Variants in GRAMD1C observed in about 807,000 individuals in gnomAD.
GRAMD1C encodes the protein GRAM domain containing 1C.
A neutral mutation model predicts 97.8 loss-of-function variants in GRAMD1C; 89 were observed. The ratio of observed to expected loss-of-function variants is 0.91; its 90% CI spans 0.77 to 1.09. The LOEUF (loss-of-function observed/expected upper bound fraction) is 1.09. Among genes scored for constraint, GRAMD1C ranks in the 50% least tolerant of loss-of-function variants. GRAMD1C has a pLI of 0.00. For synonymous variants in GRAMD1C, 256 were observed against 267.0 expected (o/e 0.96, Z 0.40); for missense variants, 740 against 766.4 (o/e 0.97, Z 0.41).
In GRAMD1C at chr3:113,908,035, G is replaced by A. The variant is rs116284600; in HGVS notation, c.790-923G>A. 4.0e-3 allele frequency among the ~76,000 whole-genome samples: 610 copies of A among 152,146 alleles called. 2 individuals are homozygous for A. Among genetic ancestry groups the A allele is most frequent in the Non-Finnish European group, 7.1e-3 (483 of 68,002 alleles). The stretch of plus-strand genomic sequence containing the variant: ...TAATCCTTTAATAAATTGTGTCCTC[G>A]GTCCCAGTTGTTATTCTGCTATCTG... On this transcript the variant is annotated intron_variant, in intron 8 of 17. Transcript: ENST00000358160.
At chr3:113,913,159 A>C in intron 9 of GRAMD1C, 1 of 1,196,628 alleles carries the variant, frequency 8.4e-7, no homozygotes, top group Non-Finnish European at 1.1e-6. Flanking sequence ...GTGGCCAAAT[A>C]GGTAAGTAGC....
intron 2 of GRAMD1C, among the ~76,000 whole-genome samples, chr3:113,864,147 C>G (rs528046155): frequency 6.6e-6 from 1 of 152,270 alleles, no homozygotes; most frequent in African/African-American, 2.4e-5. Flanking sequence ...GAGTCTCACT[C>G]TGTCACCCAG....
At chr3:113,839,073 G>T in intron 1 of GRAMD1C, 137 bp downstream of exon 1, 1 of 572,952 alleles carries the variant, frequency 1.7e-6, no homozygotes. Flanking sequence ...GAGTAATACG[G>T]AAAGTTGTTA....
chr3:113,837,671 G>C (rs1020499102), upstream of GRAMD1C, among the ~76,000 whole-genome samples: 3 of 152,186 alleles, frequency 2.0e-5, no homozygotes, highest in African/African-American at 7.2e-5. Flanking sequence ...CAGACTGCTT[G>C]AGTCCAGGAG....
At chr3:113,937,979 T>C (rs534786339) in intron 14 of GRAMD1C, 107 bp from the exon 15 acceptor site, 2 of 590,688 alleles carry the variant, frequency 3.4e-6, no homozygotes, top group South Asian at 4.0e-5. Flanking sequence ...CACTCCAGCC[T>C]GGGCAACAAG....
chr3:113,911,258 CAG>C (rs1936565281), intron 9 of GRAMD1C, among the ~76,000 whole-genome samples: 1 of 149,122 alleles, frequency 6.7e-6, no homozygotes, highest in South Asian at 2.1e-4. Flanking sequence ...CTTTTTGAGA[CAG>C]AGTCTGGCTC....
chr3:113,889,322 T>G (rs1935627975), intron 6 of GRAMD1C, among the ~76,000 whole-genome samples: 1 of 152,214 alleles, frequency 6.6e-6, no homozygotes, highest in South Asian at 2.1e-4. Flanking sequence ...ACGCCAGTCA[T>G]AAAAGAACAC....
chr3:113,932,712 C>T (rs540281717), intron 11 of GRAMD1C, among the ~76,000 whole-genome samples: 1 of 152,026 alleles, frequency 6.6e-6, no homozygotes, highest in African/African-American at 2.4e-5. Context: ...CTGTAAGTCC[C>T]TTTCTCTCTT....
At chr3:113,848,151 C>T (rs901244032) in intron 2 of GRAMD1C, among the ~76,000 whole-genome samples, 3 of 152,212 alleles carry the variant, frequency 2.0e-5, no homozygotes, top group African/African-American at 4.8e-5. Flanking sequence ...TAATTGAACA[C>T]ATTGGAGACT....
chr3:113,830,750 A>G (rs1709547007), intron 1 of GRAMD1C, among the ~76,000 whole-genome samples: 1 of 152,232 alleles, frequency 6.6e-6, no homozygotes, highest in South Asian at 2.1e-4. Flanking sequence ...GCAATGCATG[A>G]CTGCACTTCC....
intron 9 of GRAMD1C, among the ~76,000 whole-genome samples, chr3:113,910,239 C>T (rs1034852965): frequency 4.6e-5 from 7 of 152,008 alleles, no homozygotes; most frequent in East Asian, 3.9e-4. Context: ...AAAAATTAGC[C>T]GGGTGTGGCG....
intron 10 of GRAMD1C, among the ~76,000 whole-genome samples, chr3:113,925,316 C>T (rs575599728): frequency 5.9e-5 from 9 of 152,238 alleles, no homozygotes; most frequent in Admixed American, 5.9e-4. Flanking sequence ...GGTGAAAACG[C>T]ATCTCTACTA....
At position 113,946,143 on chromosome 3, in the gene GRAMD1C, C is replaced by T. The variant is rs910318338; in HGVS notation, c.*665C>T. The T allele has an allele frequency of 6.6e-6, 1 of 152,516 alleles. No individual in the cohort carries two copies. Among genetic ancestry groups the T allele is most frequent in the Non-Finnish European group, 1.5e-5 (1 of 68,010 alleles). 9.4% of individuals were successfully genotyped at this position (152,516 alleles called of 1,614,324 possible). A position where few individuals can be genotyped will look rare whatever the true frequency, so the allele number is the denominator to read the frequency against. On this transcript the variant is annotated 3_prime_UTR_variant, in exon 18 of 18. Coordinates refer to ENST00000358160, the MANE Select transcript of GRAMD1C (RefSeq NM_017577.5). Reference sequence around the variant, plus strand: ...TATCAGAGGTGGGATTATCTTGCCTCCTCACTTAGAATACCAACAGTCAAA... The same window carrying T: ...TATCAGAGGTGGGATTATCTTGCCTTCTCACTTAGAATACCAACAGTCAAA...
intron 2 of GRAMD1C, among the ~76,000 whole-genome samples, chr3:113,848,225 T>C (rs547105548): frequency 1.3e-5 from 2 of 152,312 alleles, no homozygotes; most frequent in South Asian, 4.1e-4. Flanking sequence ...TGTGGTCATC[T>C]TGAGTATGTT....
At chr3:113,876,344 A>T (rs1278120259) in intron 5 of GRAMD1C, 84 bp downstream of exon 5, 1 of 722,414 alleles carries the variant, frequency 1.4e-6, no homozygotes, top group Non-Finnish European at 2.5e-6. Context: ...GAAATTAGGC[A>T]GTTCTTCCTG....
At chr3:113,860,944 G>A (rs1250917885) in intron 2 of GRAMD1C, among the ~76,000 whole-genome samples, 2 of 149,550 alleles carry the variant, frequency 1.3e-5, no homozygotes, top group African/African-American at 2.5e-5. Flanking sequence ...ACAGCCTGGG[G>A]CAACAAGAAC....
intron 2 of GRAMD1C, among the ~76,000 whole-genome samples, chr3:113,868,062 G>A (rs762149109): frequency 3.9e-5 from 6 of 152,072 alleles, no homozygotes; most frequent in African/African-American, 9.7e-5. Context: ...TGAATTTGCT[G>A]TTGAGACCCT....
chr3:113,939,734 A>C (rs760306564), intron 15 of GRAMD1C, 152 bp from the exon 16 acceptor site: 19 of 538,624 alleles, frequency 3.5e-5, no homozygotes, highest in Non-Finnish European at 6.3e-5. Flanking sequence ...ATTATTTCAT[A>C]TAATAAAATA....
At chr3:113,937,376 A>T (rs971724804) in intron 14 of GRAMD1C, among the ~76,000 whole-genome samples, 1 of 150,230 alleles carries the variant, frequency 6.7e-6, no homozygotes, top group Non-Finnish European at 1.5e-5. Context: ...AATAGGTGAT[A>T]ATGTTTTGTT....
Sources: gnomAD v4.1 joint callset for allele counts (sites outside exome capture counted in the v4.1 genomes callset) on GRCh38, gnomAD v4.1.1 for gene constraint, MANE v1.5 for transcripts, NCBI Gene and HGNC (gene_info 2026-07-23, HGNC 2026-07-21) for gene names.